The following DTNA variants were observed in gnomAD, a reference collection of about 807,000 sequenced individuals.
The protein encoded by DTNA is dystrophin-related protein 3.
Under a neutral mutation model 100.7 loss-of-function variants are expected in DTNA, and 43 were observed. That is an observed-to-expected ratio of 0.43 (90% CI 0.33 to 0.55). The LOEUF is 0.55. Ranked by LOEUF, DTNA falls within the 20% of genes least tolerant of loss-of-function variation. The probability of loss-of-function intolerance (pLI) is 0.04; values close to 1 mark genes in which losing one functional copy is unlikely to be tolerated. For missense variants in DTNA, 798 were observed against 953.9 expected (o/e 0.84, Z 2.15); for synonymous variants, 349 against 347.9 (o/e 1.00, Z -0.04).
chr18:34,531,586 G>A (rs1392249016), intron 1 of DTNA, among the ~76,000 whole-genome samples: 2 of 152,006 alleles, frequency 1.3e-5, no homozygotes, highest in African/African-American at 4.8e-5. Flanking sequence ...TACATTCTAT[G>A]TAAATTATTT....
At chr18:34,496,828 G>T (rs2039293741) in intron 1 of DTNA, among the ~76,000 whole-genome samples, 3 of 152,318 alleles carry the variant, frequency 2.0e-5, no homozygotes, top group Middle Eastern at 3.4e-3. Flanking sequence ...GGAATGACAC[G>T]TGAGAAGGTG....
At chr18:34,674,110 A>G (rs2077110365) in intron 1 of DTNA, among the ~76,000 whole-genome samples, 1 of 152,184 alleles carries the variant, frequency 6.6e-6, no homozygotes, top group Non-Finnish European at 1.5e-5. Flanking sequence ...AAGATTTAAA[A>G]ACTTCACAGA....
At chr18:34,542,132 A>G (rs1323091811) in intron 1 of DTNA, among the ~76,000 whole-genome samples, 1 of 151,982 alleles carries the variant, frequency 6.6e-6, no homozygotes, top group Non-Finnish European at 1.5e-5. Flanking sequence ...GCTCACCAGG[A>G]ACATGTACTA....
In DTNA at chr18:34,889,179, C is replaced by T; in HGVS notation, c.*1445C>T. On this transcript the variant is annotated 3_prime_UTR_variant, in exon 23 of 23. Transcript: ENST00000444659. The stretch of plus-strand genomic sequence containing the variant: ...ATTCAATACATTATGCTTAAATTAG[C>T]AGTTTCTCTGGAATTCCTGTCTCTC... 1 of 985,394 alleles carries T rather than the reference C, an allele frequency of 1.0e-6. No individual in the cohort carries two copies. The highest frequency in any genetic ancestry group is 1.2e-6 in the Non-Finnish European group (1 of 829,932). 61.0% of individuals were successfully genotyped at this position (985,394 alleles called of 1,614,324 possible).
intron 3 of DTNA, among the ~76,000 whole-genome samples, chr18:34,782,500 A>C (rs1568503118): frequency 6.6e-6 from 1 of 152,206 alleles, no homozygotes; most frequent in Non-Finnish European, 1.5e-5. Context: ...TAGATATGTG[A>C]AGTGCTCTGG....
At chr18:34,869,535 C>T (rs2096742489) in intron 17 of DTNA, among the ~76,000 whole-genome samples, 1 of 152,188 alleles carries the variant, frequency 6.6e-6, no homozygotes, top group Non-Finnish European at 1.5e-5. Context: ...CCTAGATATA[C>T]TAATATCTAC....
At chr18:34,710,990 G>A (rs1022989088) in intron 1 of DTNA, among the ~76,000 whole-genome samples, 2 of 151,580 alleles carry the variant, frequency 1.3e-5, no homozygotes, top group Non-Finnish European at 1.5e-5. Context: ...TGTATAGTCC[G>A]GTTTTATCTA....
At chr18:34,622,173 A>G (rs976125249) in intron 1 of DTNA, among the ~76,000 whole-genome samples, 4 of 152,226 alleles carry the variant, frequency 2.6e-5, no homozygotes, top group African/African-American at 9.6e-5. Context: ...TATGTGAGGC[A>G]ATGGATGTTA....
At chr18:34,724,373 C>T (rs969136801) in intron 1 of DTNA, among the ~76,000 whole-genome samples, 4 of 152,178 alleles carry the variant, frequency 2.6e-5, no homozygotes, top group African/African-American at 9.7e-5. Context: ...GTTTACTAAG[C>T]ATTATCATAA....
intron 3 of DTNA, among the ~76,000 whole-genome samples, chr18:34,770,703 T>C (rs2093719112): frequency 6.6e-6 from 1 of 152,186 alleles, no homozygotes; most frequent in African/African-American, 2.4e-5. Context: ...TAGATGAATA[T>C]TTGTAATCGA....
At chr18:34,880,079 A>T (rs1297247965) in intron 20 of DTNA, among the ~76,000 whole-genome samples, 1 of 152,158 alleles carries the variant, frequency 6.6e-6, no homozygotes, top group Non-Finnish European at 1.5e-5. Context: ...AACTTATTGT[A>T]TTTGCACTTA....
chr18:34,720,881 A>G (rs1173454677), intron 1 of DTNA, among the ~76,000 whole-genome samples: 1 of 152,216 alleles, frequency 6.6e-6, no homozygotes, highest in South Asian at 2.1e-4. Flanking sequence ...TCCAACTATT[A>G]GGGAATACAT....
chr18:34,797,224 G>A (rs1357166448), intron 4 of DTNA, among the ~76,000 whole-genome samples: 1 of 152,072 alleles, frequency 6.6e-6, no homozygotes, highest in Non-Finnish European at 1.5e-5. Flanking sequence ...CCTGGGAGGG[G>A]GTCACCCAGG....
intron 1 of DTNA, among the ~76,000 whole-genome samples, chr18:34,598,339 G>A (rs981035840): frequency 3.9e-5 from 6 of 151,978 alleles, no homozygotes; most frequent in Non-Finnish European, 5.9e-5. Context: ...GAGTCATAGA[G>A]TGGGAAAACT....
intron 1 of DTNA, among the ~76,000 whole-genome samples, chr18:34,605,589 A>G (rs1375069091): frequency 6.6e-6 from 1 of 151,892 alleles, no homozygotes; most frequent in Non-Finnish European, 1.5e-5. Context: ...TCTAGAAGAG[A>G]AGCCAACAGA....
At chr18:34,493,675 C>T (rs1402812285) in intron 1 of DTNA, among the ~76,000 whole-genome samples, 1 of 148,958 alleles carries the variant, frequency 6.7e-6, no homozygotes, top group Non-Finnish European at 1.5e-5. Flanking sequence ...GGGAGGTGCA[C>T]ATGACGCGCA....
chr18:34,548,161 A>C (rs1568629212), intron 1 of DTNA, among the ~76,000 whole-genome samples: 1 of 152,210 alleles, frequency 6.6e-6, no homozygotes, highest in East Asian at 1.9e-4. Flanking sequence ...CTCCTCTTCC[A>C]TGCTGCCTTA....
intron 1 of DTNA, among the ~76,000 whole-genome samples, chr18:34,685,577 C>G (rs902144054): frequency 6.6e-6 from 1 of 152,144 alleles, no homozygotes; most frequent in Non-Finnish European, 1.5e-5. Flanking sequence ...ACTGTGATAC[C>G]TCCAGCTTTG....
chr18:34,593,875 A>G (rs543677116), intron 1 of DTNA, among the ~76,000 whole-genome samples: 1 of 152,288 alleles, frequency 6.6e-6, no homozygotes, highest in Admixed American at 6.5e-5. Context: ...CTATTATGCC[A>G]TTGGATGAAA....
Sources: allele counts gnomAD v4.1 joint callset (sites outside exome capture counted in the v4.1 genomes callset), GRCh38; gene constraint gnomAD v4.1.1; transcripts MANE v1.5; gene names NCBI Gene and HGNC (gene_info 2026-07-23, HGNC 2026-07-21).